XCL1: variants seen among roughly 807,000 people sequenced by gnomAD.
XCL1 encodes lymphotactin.
In XCL1, 6 loss-of-function variants were observed where a neutral mutation model predicts 7.4. That is an observed-to-expected ratio of 0.82 (90% CI 0.45 to 1.61). The LOEUF is 1.61. Ranked by LOEUF, XCL1 falls within the 40% of genes most tolerant of loss-of-function variation. The pLI, the probability that XCL1 is intolerant of heterozygous loss-of-function variation, is 0.01. For synonymous variants in XCL1, 48 were observed against 52.4 expected (o/e 0.92, Z 0.36); for missense variants, 122 against 138.2 (o/e 0.88, Z 0.59).
intron 2 of XCL1, 46 bp from the exon 3 acceptor site, chr1:168,581,006 C>A (rs897781606): frequency 6.2e-7 from 1 of 1,604,002 alleles, no homozygotes; most frequent in Admixed American, 1.7e-5. Flanking sequence ...GACCCTGAGG[C>A]TTTGAGAATG....
intron 1 of XCL1, among the ~76,000 whole-genome samples, chr1:168,578,441 C>G (rs1655077640): frequency 6.6e-6 from 1 of 152,160 alleles, no homozygotes; most frequent in Admixed American, 6.6e-5. Flanking sequence ...TCACCCAACC[C>G]TTAACAGTAT....
In XCL1 at chr1:168,581,889, T is replaced by A. The variant is rs558839153; in HGVS notation, c.*669T>A. On this transcript the variant is annotated 3_prime_UTR_variant, in exon 3 of 3. Coordinates refer to ENST00000367818, the MANE Select transcript of XCL1 (RefSeq NM_002995.3). ...CAAGTAAAAATCAATACCCTTTGAATTGGACAATAATCTCACTACCTTATT... is the reference window on the plus strand; with the variant it reads ...CAAGTAAAAATCAATACCCTTTGAAATGGACAATAATCTCACTACCTTATT... 1.3e-5 allele frequency: 2 copies of A among 152,352 alleles called. No individual in the cohort carries two copies. The highest frequency in any genetic ancestry group is 4.8e-5 in the African/African-American group (2 of 41,578). The allele number at this position is 152,352 out of a possible 1,614,324, so 9.4% of individuals were successfully genotyped here.
chr1:168,579,915 C>T (rs1038758236), intron 1 of XCL1, 148 bp from the exon 2 acceptor site: 11 of 614,484 alleles, frequency 1.8e-5, no homozygotes, highest in Admixed American at 1.3e-4. Flanking sequence ...GCAAGAGATT[C>T]GGGATGCCTA....
intron 1 of XCL1, among the ~76,000 whole-genome samples, chr1:168,577,317 G>C: frequency 6.6e-6 from 1 of 152,060 alleles, no homozygotes; most frequent in East Asian, 1.9e-4. Flanking sequence ...GTACGTGGGG[G>C]ACTCTGTTAG....
chr1:168,579,069 C>T (rs1572578317), intron 1 of XCL1: 2 of 420,522 alleles, frequency 4.8e-6, no homozygotes, highest in Non-Finnish European at 9.5e-6. Flanking sequence ...TTGCTAGCAG[C>T]TTTCTTCTCA....
At chr1:168,578,752 C>A in intron 1 of XCL1, 1 of 447,734 alleles carries the variant, frequency 2.2e-6, no homozygotes, top group South Asian at 1.7e-5. Context: ...TCATCATATC[C>A]GTCATTGTAA....
intron 2 of XCL1, 86 bp from the exon 3 acceptor site, chr1:168,580,966 C>T (rs1236969063): frequency 6.6e-7 from 1 of 1,508,840 alleles, no homozygotes; most frequent in Non-Finnish European, 8.9e-7. Context: ...TGCACAAGAT[C>T]TCTTCATGTC....
Position 168,580,208 on chromosome 1 carries a change from G to A in XCL1, c.176+31G>A, listed in dbSNP as rs374136900. 36 of 1,610,254 alleles carry A rather than the reference G, an allele frequency of 2.2e-5. No individual in the cohort carries two copies. In the South Asian group the frequency reaches 3.7e-4, roughly 17 times the overall value. ...TCTGCCTCCTCAGAAGTTGTGCTGGGTGGGTATCTAGAAGTATAGAAATAC... is the reference window on the plus strand; with the variant it reads ...TCTGCCTCCTCAGAAGTTGTGCTGGATGGGTATCTAGAAGTATAGAAATAC... On this transcript the variant is annotated intron_variant, in intron 2 of 2. Transcript: ENST00000367818.
chr1:168,576,773 A>C lies in XCL1; in HGVS notation c.61+75A>C, dbSNP rs371404303. 11 of 1,489,046 alleles carry C rather than the reference A, an allele frequency of 7.4e-6. No individual in the cohort carries two copies. In the Admixed American group the frequency reaches 1.4e-4, roughly 19 times the overall value. The allele number at this position is 1,489,046 out of a possible 1,614,324, so 92.2% of individuals were successfully genotyped here. On this transcript the variant is annotated intron_variant, in intron 1 of 2. Transcript: ENST00000367818. Reference sequence around the variant, plus strand: ...TGGGCACACATTTTGGGTTTGACTCAGGTTATGACTGGACTAACCTGCTTT... The same window carrying C: ...TGGGCACACATTTTGGGTTTGACTCCGGTTATGACTGGACTAACCTGCTTT...
At chr1:168,580,318 C>T in intron 2 of XCL1, 141 bp downstream of exon 2, 2 of 908,716 alleles carry the variant, frequency 2.2e-6, no homozygotes, top group Admixed American at 2.8e-5. Context: ...CTTTAGTTTT[C>T]CTTATCAATC....
chr1:168,581,169 G>C lies in XCL1; in HGVS notation c.294G>C (p.Lys98Asn). 5.0e-6 allele frequency: 8 copies of C among 1,613,802 alleles called. No homozygotes were observed. The highest frequency in any genetic ancestry group is 6.8e-6 in the Non-Finnish European group (8 of 1,179,796). ...CCAGAAATAACATGATCCAGACCAA[G>C]CCAACAGGAACCCAGCAATCGACCA... ...SNTRNNMIQT[K>N]PTGTQQSTNT... Residue 98 changes from lysine to asparagine, a missense_variant, in exon 3 of 3, where the codon AAG becomes AAC. By Grantham distance (94) the Lys-to-Asn change is moderately conservative. Transcript: ENST00000367818.
In XCL1 at chr1:168,581,077, G is replaced by T; in HGVS notation, c.202G>T (p.Val68Phe). Residue 68 changes from valine (V) to phenylalanine (F), a missense_variant, in exon 3 of 3, where the codon GTC becomes TTC. Val to Phe is a conservative substitution (Grantham distance 50, BLOSUM62 -1). Coordinates refer to ENST00000367818, the MANE Select transcript of XCL1 (RefSeq NM_002995.3). Reference protein sequence around the residue: ...VIFITKRGLKVCADPQATWVR... With the variant: ...VIFITKRGLKFCADPQATWVR... Reference sequence around the variant, plus strand: ...TTTTATTACCAAACGTGGCCTAAAAGTCTGTGCTGATCCACAAGCCACATG... The same window carrying T: ...TTTTATTACCAAACGTGGCCTAAAATTCTGTGCTGATCCACAAGCCACATG... The T allele has an allele frequency of 6.2e-7, 1 of 1,613,780 alleles. No homozygotes were observed. The highest frequency in any genetic ancestry group is 8.5e-7 in the Non-Finnish European group (1 of 1,179,740).
intron 1 of XCL1, chr1:168,578,738 G>T (rs989751449): frequency 2.4e-5 from 10 of 422,112 alleles, no homozygotes; most frequent in Non-Finnish European, 3.6e-5. Context: ...GGACATTGCA[G>T]ATCTCATCAT....
rs759688789 is a variant in XCL1 at position 168,580,044 on chromosome 1, G to A, written c.62-19G>A. 3 of 1,532,240 alleles carry A rather than the reference G, an allele frequency of 2.0e-6. No individual in the cohort carries two copies. The African/African-American group carries it at 4.2e-5, about 21-fold the overall frequency. The allele number at this position is 1,532,240 out of a possible 1,614,324, so 94.9% of individuals were successfully genotyped here. Reference sequence around the variant, plus strand: ...ATTGCTTTATTTTTAATTGTCTGTTGTTTTTTTTTCCTCACCAGGTGTAGG... The same window carrying A: ...ATTGCTTTATTTTTAATTGTCTGTTATTTTTTTTTCCTCACCAGGTGTAGG... On this transcript the variant is annotated intron_variant, in intron 1 of 2. Coordinates refer to ENST00000367818, the MANE Select transcript of XCL1 (RefSeq NM_002995.3).
intron 1 of XCL1, chr1:168,578,969 A>G (rs1210717060): frequency 2.5e-6 from 1 of 394,094 alleles, no homozygotes; most frequent in African/African-American, 2.1e-5. Context: ...CATGTGCAAT[A>G]CCAGCTGAGC....
intron 2 of XCL1, 126 bp from the exon 3 acceptor site, chr1:168,580,926 C>T (rs1655149707): frequency 7.5e-6 from 10 of 1,329,738 alleles, no homozygotes; most frequent in Non-Finnish European, 1.0e-5. Context: ...GATCTCATGG[C>T]TCTGAAAGAC....
At chr1:168,580,852 A>C (rs961672964) in intron 2 of XCL1, among the ~76,000 whole-genome samples, 200 bp from the exon 3 acceptor site, 14 of 152,176 alleles carry the variant, frequency 9.2e-5, no homozygotes, top group African/African-American at 1.9e-4. Context: ...AAGGGGCTGG[A>C]TACTACTTGC....
Position 168,581,159 on chromosome 1 carries a change from T to C in XCL1, c.284T>C (p.Ile95Thr), listed in dbSNP as rs751966135. Residue 95 changes from isoleucine to threonine, a missense_variant, in exon 3 of 3, where the codon ATC (isoleucine) becomes ACC (threonine). Coordinates refer to ENST00000367818, the MANE Select transcript of XCL1 (RefSeq NM_002995.3). ...DRKSNTRNNMIQTKPTGTQQS... is the reference protein window; with the variant it reads ...DRKSNTRNNMTQTKPTGTQQS... ...AAATCCAACACCAGAAATAACATGA[T>C]CCAGACCAAGCCAACAGGAACCCAG... The C allele has an allele frequency of 4.3e-6, 7 of 1,613,604 alleles. No homozygotes were observed. The highest frequency in any genetic ancestry group is 4.0e-5 in the African/African-American group (3 of 74,826).
Position 168,581,277 on chromosome 1 carries a change from C to G in XCL1, c.*57C>G. ...GCCAGCTCATTTCACTTTACACGCT[C>G]ATGGACTGAGTTTATACTCACCTTT... On this transcript the variant is annotated 3_prime_UTR_variant, in exon 3 of 3. Coordinates refer to ENST00000367818, the MANE Select transcript of XCL1 (RefSeq NM_002995.3). 6.3e-7 allele frequency: 1 copy of G among 1,593,480 alleles called. No individual in the cohort carries two copies. Among genetic ancestry groups the G allele is most frequent in the South Asian group, 1.1e-5 (1 of 88,410 alleles).
Sources: allele counts gnomAD v4.1 joint callset (sites outside exome capture counted in the v4.1 genomes callset), GRCh38; gene constraint gnomAD v4.1.1; transcripts MANE v1.5; gene names NCBI Gene and HGNC (gene_info 2026-07-23, HGNC 2026-07-21).